The following GLCE variants were observed in gnomAD, a reference collection of about 807,000 sequenced individuals.
GLCE encodes glucuronic acid epimerase.
Under a neutral mutation model 47.9 loss-of-function variants are expected in GLCE, and 19 were observed. That is an observed-to-expected ratio of 0.40 (90% CI 0.28 to 0.58). The LOEUF (loss-of-function observed/expected upper bound fraction) is 0.58. GLCE is among the 20% of genes least tolerant of loss of function. The pLI, the probability that GLCE is intolerant of heterozygous loss-of-function variation, is 0.48. For synonymous variants in GLCE, 245 were observed against 263.4 expected (o/e 0.93, Z 0.68); for missense variants, 556 against 743.3 (o/e 0.75, Z 2.93).
At chr15:69,196,143 C>T (rs1018965761) in intron 1 of GLCE, among the ~76,000 whole-genome samples, 4 of 152,034 alleles carry the variant, frequency 2.6e-5, no homozygotes, top group African/African-American at 7.2e-5. Context: ...CATTCCTGTT[C>T]TAAGGTATAG....
chr15:69,222,902 A>G (rs2052396819), intron 2 of GLCE, among the ~76,000 whole-genome samples: 1 of 152,216 alleles, frequency 6.6e-6, no homozygotes, highest in Admixed American at 6.5e-5. Flanking sequence ...CCATGGGATT[A>G]CAATTAACAT....
rs867682437 is a variant in GLCE at position 69,189,838 on chromosome 15, A to G, written c.-104-20478A>G. 2.0e-4 allele frequency among the ~76,000 whole-genome samples: 30 copies of G among 151,948 alleles called. No individual in the cohort carries two copies. The South Asian group carries it at 4.2e-3, about 21-fold the overall frequency. On this transcript the variant is annotated intron_variant, in intron 1 of 4. Coordinates refer to ENST00000261858, the MANE Select transcript of GLCE (RefSeq NM_015554.3). ...CTAATTTTTTTTTAACTTTTATTTT[A>G]AGTTCAGGGGTACATGTGCAGGTTT...
intron 1 of GLCE, among the ~76,000 whole-genome samples, chr15:69,171,761 T>C (rs2051592936): frequency 6.6e-6 from 1 of 152,202 alleles, no homozygotes; most frequent in South Asian, 2.1e-4. Context: ...TATTGTTTAC[T>C]GAATACTAAC....
chr15:69,187,915 T>C (rs2051848695), intron 1 of GLCE, among the ~76,000 whole-genome samples: 1 of 151,942 alleles, frequency 6.6e-6, no homozygotes, highest in Non-Finnish European at 1.5e-5. Flanking sequence ...ATACAAAAAA[T>C]TAGCCAGGCA....
intron 1 of GLCE, among the ~76,000 whole-genome samples, chr15:69,170,884 T>G (rs1042122630): frequency 1.4e-4 from 22 of 152,194 alleles, no homozygotes; most frequent in African/African-American, 4.1e-4. Flanking sequence ...AAAAGCCAAG[T>G]TTTTGAAAAT....
intron 2 of GLCE, among the ~76,000 whole-genome samples, chr15:69,253,151 C>T (rs1347475939): frequency 2.6e-5 from 4 of 152,212 alleles, no homozygotes; most frequent in Non-Finnish European, 4.4e-5. Context: ...ATACCTCTTT[C>T]ACCCCTACAC....
intron 2 of GLCE, among the ~76,000 whole-genome samples, chr15:69,226,443 C>T (rs2052448605): frequency 6.6e-6 from 1 of 152,120 alleles, no homozygotes; most frequent in Non-Finnish European, 1.5e-5. Context: ...TAGAAGATAG[C>T]AAAATCTGAG....
At position 69,237,553 on chromosome 15, in the gene GLCE, G is replaced by A. The variant is rs911823422; in HGVS notation, c.-13-18241G>A. On this transcript the variant is annotated intron_variant, in intron 2 of 4. Coordinates refer to ENST00000261858, the MANE Select transcript of GLCE (RefSeq NM_015554.3). ...GCAGAGGTTGCAGTGAGCCGAGAATGTGCCACTGCACTCCAGCCCAGGTGA... is the reference window on the plus strand; with the variant it reads ...GCAGAGGTTGCAGTGAGCCGAGAATATGCCACTGCACTCCAGCCCAGGTGA... Among the ~76,000 whole-genome samples, 5 of 151,984 alleles carry A rather than the reference G, an allele frequency of 3.3e-5. No homozygotes were observed. In the East Asian group the frequency reaches 9.7e-4, roughly 29 times the overall value.
intron 4 of GLCE, among the ~76,000 whole-genome samples, chr15:69,261,697 A>C (rs2053017796): frequency 6.6e-6 from 1 of 152,182 alleles, no homozygotes. Context: ...AATGGTTTTA[A>C]GGAGACAGCC....
chr15:69,183,077 T>C (rs2051773490), intron 1 of GLCE, among the ~76,000 whole-genome samples: 3 of 152,030 alleles, frequency 2.0e-5, no homozygotes, highest in Admixed American at 2.0e-4. Context: ...TTTGACTGTA[T>C]GGGAATGAGT....
chr15:69,243,278 A>C (rs139409480), intron 2 of GLCE, among the ~76,000 whole-genome samples: 3 of 152,222 alleles, frequency 2.0e-5, no homozygotes, highest in East Asian at 1.9e-4. Context: ...AGTAAAGTGC[A>C]ATAACCACGA....
At chr15:69,251,033 A>C (rs762725609) in intron 2 of GLCE, among the ~76,000 whole-genome samples, 4 of 152,148 alleles carry the variant, frequency 2.6e-5, no homozygotes, top group Non-Finnish European at 4.4e-5. Context: ...AGTCTCTTAA[A>C]AAAACACACA....
intron 2 of GLCE, among the ~76,000 whole-genome samples, chr15:69,236,480 A>T (rs535309203): frequency 2.3e-4 from 35 of 152,328 alleles, no homozygotes; most frequent in African/African-American, 7.2e-4. Flanking sequence ...AATAAATGAC[A>T]TAAAAAGTGC....
intron 2 of GLCE, among the ~76,000 whole-genome samples, chr15:69,230,213 A>T (rs1470978978): frequency 6.6e-5 from 1 of 15,164 alleles, no homozygotes; most frequent in Non-Finnish European, 2.8e-4. Flanking sequence ...ATCTCGATTT[A>T]AAAAAAAAAA....
At position 69,271,032 on chromosome 15, in the gene GLCE, A is replaced by T. The variant is rs532552228; in HGVS notation, c.*1788A>T. On this transcript the variant is annotated 3_prime_UTR_variant, in exon 5 of 5. Transcript: ENST00000261858. ...CCTTTTTTACTTCCCCATATTTGTT[A>T]TTATTTAGAATGGTTCATACGTCTG... 1.5e-3 allele frequency: 231 copies of T among 152,626 alleles called. No homozygotes were observed. Among genetic ancestry groups the T allele is most frequent in the African/African-American group, 4.5e-3 (185 of 41,522 alleles). The allele number at this position is 152,626 out of a possible 1,614,324, so 9.5% of individuals were successfully genotyped here. A position where few individuals can be genotyped will look rare whatever the true frequency, so the allele number is the denominator to read the frequency against.
rs142644751 is a variant in GLCE at position 69,204,937 on chromosome 15, T to C, written c.-104-5379T>C. On this transcript the variant is annotated intron_variant, in intron 1 of 4. Transcript: ENST00000261858. ...AATAAACAAGAGGATTTTTACAGAC[T>C]ATAAGATCCAAACTAAATAATCCTG... 4.7e-3 allele frequency among the ~76,000 whole-genome samples: 718 copies of C among 152,246 alleles called. 9 individuals carry two copies. Among genetic ancestry groups the C allele is most frequent in the African/African-American group, 0.017 (697 of 41,588 alleles).
intron 2 of GLCE, among the ~76,000 whole-genome samples, chr15:69,225,237 G>A (rs1482619800): frequency 6.6e-6 from 1 of 151,754 alleles, no homozygotes; most frequent in African/African-American, 2.4e-5. Context: ...CTGCCCTACA[G>A]TTGGCATAAT....
At chr15:69,169,761 T>C (rs2051561782) in intron 1 of GLCE, among the ~76,000 whole-genome samples, 1 of 152,200 alleles carries the variant, frequency 6.6e-6, no homozygotes, top group African/African-American at 2.4e-5. Flanking sequence ...CCATGGTGTG[T>C]ATGTGCCACA....
intron 1 of GLCE, among the ~76,000 whole-genome samples, chr15:69,179,699 A>C (rs1159401068): frequency 6.6e-6 from 1 of 152,154 alleles, no homozygotes; most frequent in African/African-American, 2.4e-5. Flanking sequence ...AGAACAACAC[A>C]AGTGGCTGTG....
Sources: gnomAD v4.1 joint callset for allele counts (sites outside exome capture counted in the v4.1 genomes callset) on GRCh38, gnomAD v4.1.1 for gene constraint, MANE v1.5 for transcripts, NCBI Gene and HGNC (gene_info 2026-07-23, HGNC 2026-07-21) for gene names.